Variants in PLCG2 observed in about 807,000 individuals in gnomAD.
PLCG2 encodes 1-phosphatidylinositol 4,5-bisphosphate phosphodiesterase gamma-2.
In PLCG2, 69 loss-of-function variants were observed where a neutral mutation model predicts 175.6. The observed-to-expected ratio is 0.39, with a 90% CI of 0.32 to 0.48. The LOEUF is 0.48. Among genes scored for constraint, PLCG2 ranks in the 20% least tolerant of loss-of-function variants. The probability of loss-of-function intolerance (pLI) is 0.91; values close to 1 mark genes in which losing one functional copy is unlikely to be tolerated. For synonymous variants in PLCG2, 827 were observed against 624.0 expected (o/e 1.33, Z -4.85); for missense variants, 1,798 against 1,650.9 (o/e 1.09, Z -1.54).
At chr16:81,826,373 G>T (rs747902830) in intron 2 of PLCG2, among the ~76,000 whole-genome samples, 36 of 152,188 alleles carry the variant, frequency 2.4e-4, no homozygotes, top group Admixed American at 6.5e-5. Flanking sequence ...TAGGAGGTCA[G>T]TGTAGGGGTC....
intron 2 of PLCG2, among the ~76,000 whole-genome samples, chr16:81,834,595 G>GCTGCTGCTC (rs1555510937): frequency 6.7e-6 from 1 of 148,510 alleles, no homozygotes; most frequent in African/African-American, 2.6e-5. Flanking sequence ...CTGCAGAGCT[G>GCTGCTGCTC]CTGCTGCTGC....
chr16:81,917,676 G>C (rs879745995), intron 19 of PLCG2, among the ~76,000 whole-genome samples: 5 of 152,198 alleles, frequency 3.3e-5, no homozygotes, highest in Non-Finnish European at 7.3e-5. Context: ...GGCCATTTAT[G>C]TATCTTCCTT....
chr16:81,885,724 A>C (rs1047742069), intron 9 of PLCG2, among the ~76,000 whole-genome samples: 4 of 152,116 alleles, frequency 2.6e-5, no homozygotes, highest in Admixed American at 2.0e-4. Flanking sequence ...TTTGGATTTC[A>C]TTGATGGAAG....
Position 81,961,166 on chromosome 16 carries a change from A to G in PLCG2, c.*3168A>G. The G allele has an allele frequency of 4.4e-6, 1 of 229,846 alleles. No individual in the cohort carries two copies. Among genetic ancestry groups the G allele is most frequent in the Non-Finnish European group, 8.6e-6 (1 of 115,902 alleles). The allele number at this position is 229,846 out of a possible 1,614,324, so 14.2% of individuals were successfully genotyped here. A position where few individuals can be genotyped will look rare whatever the true frequency, so the allele number is the denominator to read the frequency against. On this transcript the variant is annotated 3_prime_UTR_variant, in exon 33 of 33. Coordinates refer to ENST00000564138, the MANE Select transcript of PLCG2 (RefSeq NM_002661.5). Reference sequence around the variant, plus strand: ...TTTCTGAGTCTCTTAGCATGTAACTACAAAGGGGTTGGAAGAATTCAGTGA... The same window carrying G: ...TTTCTGAGTCTCTTAGCATGTAACTGCAAAGGGGTTGGAAGAATTCAGTGA...
chr16:81,913,522 G>C (rs1909720200), intron 19 of PLCG2, among the ~76,000 whole-genome samples: 1 of 152,220 alleles, frequency 6.6e-6, no homozygotes, highest in Non-Finnish European at 1.5e-5. Context: ...CGTCTCCAAA[G>C]CCTAAGCTCT....
intron 2 of PLCG2, among the ~76,000 whole-genome samples, chr16:81,789,815 CCTTT>C (rs1911147308): frequency 6.6e-6 from 1 of 151,838 alleles, no homozygotes; most frequent in Non-Finnish European, 1.5e-5. Context: ...TCCCACTTTC[CCTTT>C]CTTTCTCCTT....
At chr16:81,924,842 C>T (rs572344175) in intron 22 of PLCG2, among the ~76,000 whole-genome samples, 3 of 152,358 alleles carry the variant, frequency 2.0e-5, no homozygotes, top group Admixed American at 6.5e-5. Context: ...GGCTCCCAGA[C>T]CCAGTTGGGC....
chr16:81,747,857 G>A (rs1261222627), intron 1 of PLCG2, among the ~76,000 whole-genome samples: 1 of 152,124 alleles, frequency 6.6e-6, no homozygotes, highest in Non-Finnish European at 1.5e-5. Flanking sequence ...GTAGACTAGA[G>A]ACATGACTGT....
At chr16:81,844,603 TGA>T (rs1906015002) in intron 2 of PLCG2, among the ~76,000 whole-genome samples, 1 of 152,254 alleles carries the variant, frequency 6.6e-6, no homozygotes, top group East Asian at 1.9e-4. Context: ...ATTACCGGCG[TGA>T]GCCACTGTGC....
intron 2 of PLCG2, among the ~76,000 whole-genome samples, chr16:81,825,293 T>G (rs1195759210): frequency 1.4e-5 from 2 of 144,152 alleles, no homozygotes; most frequent in Admixed American, 6.8e-5. Flanking sequence ...ATTTTTTTTT[T>G]TTTTTTTTTT....
At chr16:81,764,255 C>G (rs182622721) in intron 2 of PLCG2, among the ~76,000 whole-genome samples, 79 of 152,130 alleles carry the variant, frequency 5.2e-4, no homozygotes, top group African/African-American at 1.9e-3. Flanking sequence ...ATTGATTGAG[C>G]CACTGTACTG....
In PLCG2 at chr16:81,919,490, G is replaced by A. The variant is rs1411468057; in HGVS notation, c.2061G>A (p.Arg687=). 12 of 1,613,488 alleles carry A rather than the reference G, an allele frequency of 7.4e-6. No individual in the cohort carries two copies. In the African/African-American group the frequency reaches 1.5e-4, roughly 20 times the overall value. The change falls in exon 20 of 33, where the codon AGG becomes AGA. Residue 687 remains arginine, a synonymous_variant. Transcript: ENST00000564138. Reference sequence around the variant, plus strand: ...TGTGTTCTTCCTGCTCCAGGGCTAGGGGCAAGGTAAAGCATTGTCGCATCA... The same window carrying A: ...TGTGTTCTTCCTGCTCCAGGGCTAGAGGCAAGGTAAAGCATTGTCGCATCA... ...SDSYAITFRA[R]GKVKHCRINR... is the part of the protein sequence containing the mutation.
At chr16:81,834,695 A>C (rs571530169) in intron 2 of PLCG2, among the ~76,000 whole-genome samples, 1 of 152,162 alleles carries the variant, frequency 6.6e-6, no homozygotes, top group Non-Finnish European at 1.5e-5. Flanking sequence ...ACAGGGTGAG[A>C]TCTGAGCAGG....
rs768626706 is a variant in PLCG2, at chr16:81,939,900, G to T, written c.3322G>T (p.Gly1108Cys). 1 of 1,612,800 alleles carries T rather than the reference G, an allele frequency of 6.2e-7. No individual in the cohort carries two copies. Among genetic ancestry groups the T allele is most frequent in the South Asian group, 1.1e-5 (1 of 91,064 alleles). The change falls in exon 30 of 33, where the codon GGC becomes TGC. Residue 1108 changes from glycine to cysteine, a missense_variant. Physicochemically the swap from Gly to Cys is radical, Grantham distance 159. Transcript: ENST00000564138. ...CTTTGATCTCCTTCCAGATGATAAT[G>T]GCCTCAGCCCTATCTGGGCTCCAAC... is the stretch of plus-strand genomic sequence containing the variant. Reference protein sequence around the residue: ...KFKTTVVNDNGLSPIWAPTQE... With the variant: ...KFKTTVVNDNCLSPIWAPTQE...
intron 2 of PLCG2, among the ~76,000 whole-genome samples, chr16:81,823,629 G>T (rs770129165): frequency 2.0e-5 from 3 of 151,868 alleles, no homozygotes; most frequent in Non-Finnish European, 2.9e-5. Context: ...GGGCTCAAGC[G>T]ATCTTCCCGC....
chr16:81,928,191 G>A (rs1420989241), intron 23 of PLCG2, among the ~76,000 whole-genome samples: 1 of 152,108 alleles, frequency 6.6e-6, no homozygotes, highest in Non-Finnish European at 1.5e-5. Flanking sequence ...AGCCACAGAA[G>A]GTTCTTGAGC....
intron 14 of PLCG2, 130 bp downstream of exon 14, chr16:81,900,910 C>G (rs898093928): frequency 9.4e-6 from 7 of 745,950 alleles, no homozygotes; most frequent in African/African-American, 1.8e-5. Context: ...AGGCTCAAAT[C>G]TGCTCTCCTT....
chr16:81,811,310 G>T (rs1904318347), intron 2 of PLCG2, among the ~76,000 whole-genome samples: 1 of 152,150 alleles, frequency 6.6e-6, no homozygotes, highest in African/African-American at 2.4e-5. Flanking sequence ...CTTTAGGTTA[G>T]TGCTCAGTTA....
At chr16:81,771,794 G>GT (rs1271764981) in intron 2 of PLCG2, among the ~76,000 whole-genome samples, 2 of 150,172 alleles carry the variant, frequency 1.3e-5, no homozygotes, top group Admixed American at 6.7e-5. Flanking sequence ...TTGTTTGTTT[G>GT]TTTTTTTGAG....
Sources: allele counts gnomAD v4.1 joint callset (sites outside exome capture counted in the v4.1 genomes callset), GRCh38; gene constraint gnomAD v4.1.1; transcripts MANE v1.5; gene names NCBI Gene and HGNC (gene_info 2026-07-23, HGNC 2026-07-21).